KAT2B: variants seen among roughly 807,000 people sequenced by gnomAD.
KAT2B encodes the protein lysine acetyltransferase 2B.
A neutral mutation model predicts 105.9 loss-of-function variants in KAT2B; 36 were observed. The observed-to-expected ratio is 0.34, with a 90% confidence interval of 0.26 to 0.45. The LOEUF is 0.45. Among genes scored for constraint, KAT2B ranks in the 20% least tolerant of loss-of-function variants. The pLI, the probability that KAT2B is intolerant of heterozygous loss-of-function variation, is 1.00. For synonymous variants in KAT2B, 397 were observed against 377.9 expected, an observed-to-expected ratio of 1.05 and a Z score of -0.59; for missense variants, 820 against 1,021.6, an observed-to-expected ratio of 0.80 and a Z score of 2.69.
chr3:20,068,673 A>T (rs1358722225), intron 1 of KAT2B, among the ~76,000 whole-genome samples: 1 of 152,090 alleles, frequency 6.6e-6, no homozygotes, highest in Admixed American at 6.6e-5. Flanking sequence ...TTCATAGTCA[A>T]TAGTACCTGG....
At chr3:20,070,546 C>T (rs1205390520) in intron 1 of KAT2B, among the ~76,000 whole-genome samples, 4 of 150,468 alleles carry the variant, frequency 2.7e-5, no homozygotes, top group African/African-American at 4.9e-5. Flanking sequence ...CCTCGTGATC[C>T]GCCCACCTCG....
At chr3:20,149,845 T>G (rs1476353426) in intron 17 of KAT2B, among the ~76,000 whole-genome samples, 1 of 152,170 alleles carries the variant, frequency 6.6e-6, no homozygotes, top group East Asian at 1.9e-4. Flanking sequence ...TTAAAACTCT[T>G]TGTGTCCATT....
intron 1 of KAT2B, among the ~76,000 whole-genome samples, chr3:20,048,228 A>C (rs1353500606): frequency 6.6e-6 from 1 of 152,208 alleles, no homozygotes; most frequent in East Asian, 1.9e-4. Flanking sequence ...AAGATGTCCA[A>C]ATTTAATTCT....
At chr3:20,056,894 G>T (rs6793122) in intron 1 of KAT2B, among the ~76,000 whole-genome samples, 59,818 of 152,088 alleles carry the variant, frequency 0.39, 11,977 homozygotes, top group Middle Eastern at 0.47. Flanking sequence ...CTACAGGGTT[G>T]TTGGGAGGGG....
intron 1 of KAT2B, 30 bp downstream of exon 1, chr3:20,040,810 T>A (rs1697701070): frequency 1.3e-5 from 20 of 1,571,606 alleles, no homozygotes; most frequent in Non-Finnish European, 1.7e-5. Flanking sequence ...GGACCGCGGA[T>A]GGGTGCTAGG....
Position 20,056,092 on chromosome 3 carries a change from C to G in KAT2B, c.303+15312C>G, listed in dbSNP as rs145812230. On this transcript the variant is annotated intron_variant, in intron 1 of 17. Coordinates refer to ENST00000263754, the MANE Select transcript of KAT2B (RefSeq NM_003884.5). ...AAATTAGATTTCCGGTTTGAAGTGA[C>G]CCCTCTGGCTGCTCTGAGAAGAATA... 2.2e-3 allele frequency among the ~76,000 whole-genome samples: 341 copies of G among 152,232 alleles called. 3 individuals are homozygous for G. Among genetic ancestry groups the G allele is most frequent in the South Asian group, 0.012 (60 of 4,824 alleles).
intron 1 of KAT2B, 129 bp downstream of exon 1, chr3:20,040,909 C>A (rs1407620608): frequency 2.6e-6 from 3 of 1,169,468 alleles, no homozygotes; most frequent in African/African-American, 1.6e-5. Flanking sequence ...GGCCGCTGCA[C>A]CGCGGAAGTG....
At chr3:20,139,525 T>C (rs1025075494) in intron 12 of KAT2B, among the ~76,000 whole-genome samples, 4 of 152,118 alleles carry the variant, frequency 2.6e-5, no homozygotes, top group Non-Finnish European at 4.4e-5. Flanking sequence ...GATGAGGCAG[T>C]GAACTGCTGG....
rs114409975 is a variant in KAT2B at position 20,059,284 on chromosome 3, G to A, written c.304-13049G>A. Among the ~76,000 whole-genome samples the A allele has an allele frequency of 3.7e-3, 568 of 151,692 alleles. 4 individuals are homozygous for A. Among genetic ancestry groups the A allele is most frequent in the African/African-American group, 0.013 (537 of 41,338 alleles). ...AAAAATTAGCCAGGCGTGGTGGCATGCGTCTAGTAGTCCCAGCTACTCGGG... is the reference window on the plus strand; with the variant it reads ...AAAAATTAGCCAGGCGTGGTGGCATACGTCTAGTAGTCCCAGCTACTCGGG... On this transcript the variant is annotated intron_variant, in intron 1 of 17. Coordinates refer to ENST00000263754, the MANE Select transcript of KAT2B (RefSeq NM_003884.5).
intron 1 of KAT2B, among the ~76,000 whole-genome samples, chr3:20,061,851 A>G (rs1256648264): frequency 8.6e-6 from 1 of 116,718 alleles, no homozygotes; most frequent in Non-Finnish European, 1.7e-5. Flanking sequence ...TAAAATATAT[A>G]TAATATACAT....
chr3:20,102,278 C>T (rs2125157157), intron 5 of KAT2B, among the ~76,000 whole-genome samples: 1 of 151,978 alleles, frequency 6.6e-6, no homozygotes, highest in East Asian at 1.9e-4. Context: ...ATCGTGCACT[C>T]TGGGCAACAG....
At chr3:20,106,370 G>A (rs1040686279) in intron 5 of KAT2B, among the ~76,000 whole-genome samples, 1 of 152,010 alleles carries the variant, frequency 6.6e-6, no homozygotes. Flanking sequence ...ATGCACGTCC[G>A]TTTCCTTCTT....
intron 13 of KAT2B, among the ~76,000 whole-genome samples, chr3:20,143,372 TAAA>T (rs1269268345): frequency 3.3e-5 from 5 of 151,824 alleles, no homozygotes; most frequent in Non-Finnish European, 2.9e-5. Flanking sequence ...ATTAAGAAGT[TAAA>T]AAAATAACAG....
chr3:20,081,228 T>C (rs1206771078), intron 2 of KAT2B, among the ~76,000 whole-genome samples: 1 of 152,234 alleles, frequency 6.6e-6, no homozygotes, highest in African/African-American at 2.4e-5. Flanking sequence ...ACATGTTAGC[T>C]GCCTGCCCAG....
At position 20,114,947 on chromosome 3, in the gene KAT2B, T is replaced by G; in HGVS notation, c.1109T>G (p.Leu370Arg). 1 of 1,613,148 alleles carries G rather than the reference T, an allele frequency of 6.2e-7. No individual in the cohort carries two copies. ...TCTCCCATCTGGGATCAGGATTTTCTCTCAGCCTCTTCCAGAACCAGCCAG... is the reference window on the plus strand; with the variant it reads ...TCTCCCATCTGGGATCAGGATTTTCGCTCAGCCTCTTCCAGAACCAGCCAG... ...QNSPIWDQDF[L>R]SASSRTSQLG... Residue 370 changes from leucine to arginine, a missense_variant, in exon 7 of 18, where the codon CTC (leucine) becomes CGC (arginine). Around this residue, in one of 6 missense-constraint regions of KAT2B, gnomAD observed 225 missense variants for 268.1 expected, o/e 0.84. Transcript: ENST00000263754.
chr3:20,073,092 C>T (rs977496930), intron 2 of KAT2B, among the ~76,000 whole-genome samples: 1 of 152,038 alleles, frequency 6.6e-6, no homozygotes, highest in Non-Finnish European at 1.5e-5. Flanking sequence ...GTTCTTTGTC[C>T]TAATACTAGT....
In KAT2B at chr3:20,152,441, T is replaced by G. The variant is rs1017596943; in HGVS notation, c.2415T>G (p.Pro805=). Residue 805 remains proline (P), a synonymous_variant, in exon 18 of 18, where the codon CCT becomes CCG. Transcript: ENST00000263754. The part of the protein sequence containing the change: ...VFTNCKEYNP[P]ESEYYKCANI... ...CCAATTGCAAAGAGTACAACCCCCC[T>G]GAGAGTGAATACTACAAATGTGCCA... 26 of 1,613,246 alleles carry G rather than the reference T, an allele frequency of 1.6e-5. No homozygotes were observed. Among genetic ancestry groups the G allele is most frequent in the Non-Finnish European group, 2.2e-5 (26 of 1,179,416 alleles).
intron 1 of KAT2B, among the ~76,000 whole-genome samples, chr3:20,059,374 G>GCCACTGTA (rs1698057787): frequency 8.1e-6 from 1 of 123,590 alleles, no homozygotes; most frequent in Non-Finnish European, 1.6e-5. Context: ...AGATCATCAT[G>GCCACTGTA]CCACTGTACT....
intron 3 of KAT2B, among the ~76,000 whole-genome samples, chr3:20,096,971 GAA>G (rs571792572): frequency 6.9e-5 from 10 of 144,476 alleles, no homozygotes; most frequent in Non-Finnish European, 3.0e-5. Context: ...GAGAGAGAGA[GAA>G]AGAGAGTGGG....
Sources: gnomAD v4.1 joint callset for allele counts (sites outside exome capture counted in the v4.1 genomes callset) on GRCh38, gnomAD v4.1.1 for gene constraint, gnomAD v4.1.1 regional missense constraint, MANE v1.5 for transcripts, NCBI Gene and HGNC (gene_info 2026-07-23, HGNC 2026-07-21) for gene names.